GAS2L3: variants seen among roughly 807,000 people sequenced by gnomAD.
GAS2L3 encodes GAS2-like protein 3.
GAS2L3 carries 28 observed loss-of-function variants against 37.0 expected under a neutral mutation model. The ratio of observed to expected loss-of-function variants is 0.76; its 90% CI spans 0.56 to 1.04. GAS2L3 has a LOEUF of 1.04. Among genes scored for constraint, GAS2L3 ranks in the 50% least tolerant of loss-of-function variants. The pLI is 0.00. For synonymous variants in GAS2L3, 290 were observed against 296.6 expected (o/e 0.98, Z 0.23); for missense variants, 793 against 817.6 (o/e 0.97, Z 0.37).
At chr12:100,577,988 G>A (rs1159958411) in intron 1 of GAS2L3, among the ~76,000 whole-genome samples, 1 of 152,230 alleles carries the variant, frequency 6.6e-6, no homozygotes, top group Non-Finnish European at 1.5e-5. Flanking sequence ...AGGAGTTTGG[G>A]CTTTATCCTG....
intron 1 of GAS2L3, 80 bp from the exon 2 acceptor site, chr12:100,591,656 A>G (rs887094162): frequency 5.9e-5 from 9 of 152,158 alleles, no homozygotes; most frequent in African/African-American, 2.2e-4. Context: ...CTAACTGTGT[A>G]TCTGGTACTT....
rs58446699 is a variant in GAS2L3, at chr12:100,575,476, A to ATTTTTTTTTTTTTT, written c.-152+1701_-152+1714dup. ...CTAAAATGTAGTTCATGTTATCTCTATTTTTTTTTTTTTTTTTTTTTTTGA... is the reference window on the plus strand; with the variant it reads ...CTAAAATGTAGTTCATGTTATCTCTATTTTTTTTTTTTTTTTTTTTTTTTTTTTTTTTTTTTTGA... On this transcript the variant is annotated intron_variant, in intron 1 of 9. Transcript: ENST00000547754. Among the ~76,000 whole-genome samples, 11 of 88,796 alleles carry ATTTTTTTTTTTTTT rather than the reference A, an allele frequency of 1.2e-4. 1 individual carries two copies. In the East Asian group the frequency reaches 1.5e-3, roughly 12 times the overall value. The allele number at this position is 88,796 out of a possible 152,430, so 58.3% of individuals were successfully genotyped here.
Position 100,575,908 on chromosome 12 carries a change from T to C in GAS2L3, c.-152+2123T>C, listed in dbSNP as rs890145223. On this transcript the variant is annotated intron_variant, in intron 1 of 9. Transcript: ENST00000547754. ...TTATATTCCTAACATTAAGTAACTT[T>C]CCTGCACTGGATTGTCAGTGTGACC... 3.9e-5 allele frequency among the ~76,000 whole-genome samples: 6 copies of C among 152,218 alleles called. No individual in the cohort carries two copies. In the East Asian group the frequency reaches 1.2e-3, roughly 29 times the overall value.
chr12:100,603,573 T>C (rs758696173), intron 5 of GAS2L3, among the ~76,000 whole-genome samples: 1 of 152,174 alleles, frequency 6.6e-6, no homozygotes, highest in Non-Finnish European at 1.5e-5. Flanking sequence ...AAATATTTTC[T>C]CCCATTCTTT....
At position 100,622,749 on chromosome 12, in the gene GAS2L3, TAAAAAAAAAAAAAA is replaced by T; in HGVS notation, c.756+387_756+400del. On this transcript the variant is annotated intron_variant, in intron 9 of 9. Coordinates refer to ENST00000547754, the MANE Select transcript of GAS2L3 (RefSeq NM_174942.3). The stretch of plus-strand genomic sequence containing the variant: ...ATCTAATAAGATTGAGTATCCATAG[TAAAAAAAAAAAAAA>T]AAAAAAAAAAAAAAAAAAAGAAAAG... Among the ~76,000 whole-genome samples the T allele has an allele frequency of 1.8e-3, 48 of 26,842 alleles. 2 individuals are homozygous for T. The South Asian group carries it at 0.092, about 52-fold the overall frequency. 17.6% of individuals were successfully genotyped at this position (26,842 alleles called of 152,430 possible). A position where few individuals can be genotyped will look rare whatever the true frequency, so the allele number is the denominator to read the frequency against.
intron 1 of GAS2L3, among the ~76,000 whole-genome samples, chr12:100,590,498 A>G (rs1955832777): frequency 6.6e-6 from 1 of 152,232 alleles, no homozygotes; most frequent in African/African-American, 2.4e-5. Context: ...ATGCTGTGGA[A>G]AACAGTGTGG....
At position 100,627,376 on chromosome 12, in the gene GAS2L3, G is replaced by C. The variant is rs2136625514; in HGVS notation, c.*2486G>C. The C allele has an allele frequency of 6.6e-6, 1 of 152,022 alleles. No homozygotes were observed. 9.4% of individuals were successfully genotyped at this position (152,022 alleles called of 1,614,324 possible). ...TGCAACCTCTGCCTCCTGGGTTCAAGTGATTCTGCTGCCTCAGCCTCCTGA... is the reference window on the plus strand; with the variant it reads ...TGCAACCTCTGCCTCCTGGGTTCAACTGATTCTGCTGCCTCAGCCTCCTGA... On this transcript the variant is annotated 3_prime_UTR_variant, in exon 10 of 10. Coordinates refer to ENST00000547754, the MANE Select transcript of GAS2L3 (RefSeq NM_174942.3).
rs771081581 is a variant in GAS2L3, at chr12:100,624,409, C to T, written c.1604C>T (p.Thr535Ile). The T allele has an allele frequency of 2.5e-5, 40 of 1,613,954 alleles. No individual in the cohort carries two copies. In the South Asian group the frequency reaches 4.4e-4, roughly 18 times the overall value. ...AAAACCATAGCCACGGGTCTAGGAA[C>T]ACAGTCTCAACCATCCGATGGAGCC... ...SSKTIATGLG[T>I]QSQPSDGAPQ... The change falls in exon 10 of 10, where the codon ACA becomes ATA. Residue 535 changes from threonine to isoleucine, a missense_variant. Physicochemically the swap from Thr to Ile is moderately conservative, Grantham distance 89. Transcript: ENST00000547754.
Position 100,627,231 on chromosome 12 carries a change from C to G in GAS2L3, c.*2341C>G, listed in dbSNP as rs1277311119. The stretch of plus-strand genomic sequence containing the variant: ...AATTTTTATTTATATATAGCTTACC[C>G]TTCCAAAATAAAAGTGTTTTTTTAA... On this transcript the variant is annotated 3_prime_UTR_variant, in exon 10 of 10. Transcript: ENST00000547754. Among the ~76,000 whole-genome samples, 38 of 151,888 alleles carry G rather than the reference C, an allele frequency of 2.5e-4. No individual in the cohort carries two copies. The highest frequency in any genetic ancestry group is 2.5e-3 in the Admixed American group (38 of 15,248).
At chr12:100,588,088 A>G (rs911635783) in intron 1 of GAS2L3, among the ~76,000 whole-genome samples, 3 of 152,124 alleles carry the variant, frequency 2.0e-5, no homozygotes, top group African/African-American at 7.2e-5. Context: ...GGGCATCCAA[A>G]TCGGTAAAGA....
Position 100,626,159 on chromosome 12 carries a change from ATTATC to A in GAS2L3, c.*1273_*1277del, listed in dbSNP as rs1956330482. 1.3e-5 allele frequency: 2 copies of A among 152,170 alleles called. No individual in the cohort carries two copies. The highest frequency in any genetic ancestry group is 6.6e-5 in the Admixed American group (1 of 15,266). 9.4% of individuals were successfully genotyped at this position (152,170 alleles called of 1,614,324 possible). On this transcript the variant is annotated 3_prime_UTR_variant, in exon 10 of 10. Transcript: ENST00000547754. ...CTTTTAAAACTTCACAGTATTGCCA[ATTATC>A]TTAGGTTATTCAGTATTCAGGTTTG...
chr12:100,578,775 A>G (rs552818734), intron 1 of GAS2L3: 4 of 580,984 alleles, frequency 6.9e-6, no homozygotes, highest in South Asian at 6.2e-5. Context: ...GGGCATGGCC[A>G]GCCTCCCTCA....
chr12:100,594,275 A>G (rs1293708237), intron 2 of GAS2L3, among the ~76,000 whole-genome samples: 1 of 151,934 alleles, frequency 6.6e-6, no homozygotes, highest in African/African-American at 2.4e-5. Flanking sequence ...TTTTTTTTCC[A>G]TGTAGATTTC....
rs368923920 is a variant in GAS2L3, at chr12:100,623,793, A to G, written c.988A>G (p.Asn330Asp). 3 of 1,614,012 alleles carry G rather than the reference A, an allele frequency of 1.9e-6. No individual in the cohort carries two copies. In the African/African-American group the frequency reaches 4.0e-5, roughly 22 times the overall value. ...LSAVNMFQKQNSKPSVPVSIP... is the reference protein window; with the variant it reads ...LSAVNMFQKQDSKPSVPVSIP... ...AGCAGTTAACATGTTTCAGAAACAA[A>G]ATTCAAAACCCAGCGTGCCAGTTAG... Residue 330 changes from asparagine to aspartate, a missense_variant, in exon 10 of 10, where the codon AAT (asparagine) becomes GAT (aspartate). Coordinates refer to ENST00000547754, the MANE Select transcript of GAS2L3 (RefSeq NM_174942.3).
chr12:100,622,281 C>T lies in GAS2L3; in HGVS notation c.655C>T (p.His219Tyr). The change falls in exon 9 of 10, where the codon CAT becomes TAT. Residue 219 changes from histidine to tyrosine, a missense_variant. Physicochemically the swap from His to Tyr is moderately conservative, Grantham distance 83. Coordinates refer to ENST00000547754, the MANE Select transcript of GAS2L3 (RefSeq NM_174942.3). ...RHEELHEAVKHIAEDPPCSCS... is the reference protein window; with the variant it reads ...RHEELHEAVKYIAEDPPCSCS... ...TATTTGTTCGTCATCTTAGGTTAAA[C>T]ATATTGCTGAGGACCCTCCTTGTAG... 1.3e-6 allele frequency: 2 copies of T among 1,564,902 alleles called. No homozygotes were observed. The highest frequency in any genetic ancestry group is 2.2e-5 in the East Asian group (1 of 44,464).
At chr12:100,616,540 A>C (rs542674569) in intron 6 of GAS2L3, among the ~76,000 whole-genome samples, 1 of 152,040 alleles carries the variant, frequency 6.6e-6, no homozygotes, top group Non-Finnish European at 1.5e-5. Context: ...GATTCAGTTC[A>C]TCCTCCTGCC....
At chr12:100,597,330 C>T (rs898922365) in intron 3 of GAS2L3, among the ~76,000 whole-genome samples, 4 of 151,966 alleles carry the variant, frequency 2.6e-5, no homozygotes, top group South Asian at 2.1e-4. Flanking sequence ...ATATCTATTC[C>T]TCAATTATTG....
chr12:100,621,899 G>GAA (rs1365187956), intron 8 of GAS2L3, among the ~76,000 whole-genome samples: 1 of 150,700 alleles, frequency 6.6e-6, no homozygotes, highest in Non-Finnish European at 1.5e-5. Context: ...GAGAGAGAGA[G>GAA]AGAGAGAGAA....
chr12:100,585,001 GC>G (rs1437099010), intron 1 of GAS2L3, among the ~76,000 whole-genome samples: 1 of 142,624 alleles, frequency 7.0e-6, no homozygotes, highest in Non-Finnish European at 1.5e-5. Context: ...CCATTATCCT[GC>G]CTGAGCCTCC....
Sources: gnomAD v4.1 joint callset for allele counts (sites outside exome capture counted in the v4.1 genomes callset) on GRCh38, gnomAD v4.1.1 for gene constraint, MANE v1.5 for transcripts, NCBI Gene and HGNC (gene_info 2026-07-23, HGNC 2026-07-21) for gene names.